FTCDNL1: variants seen among roughly 807,000 people sequenced by gnomAD.
FTCDNL1 encodes the protein formiminotransferase N-terminal subdomain-containing protein.
In FTCDNL1, 11 loss-of-function variants were observed where a neutral mutation model predicts 5.9. The ratio of observed to expected loss-of-function variants is 1.87; its 90% CI spans 1.18 to 3.10. The LOEUF (loss-of-function observed/expected upper bound fraction) is 3.10, where lower values mean the gene tolerates loss of function less well. FTCDNL1 is among the 30% of genes most tolerant of loss of function. The pLI is 0.00. For synonymous variants in FTCDNL1, 58 were observed against 24.8 expected (o/e 2.34, Z -3.99); for missense variants, 115 against 65.5 (o/e 1.76, Z -2.61).
At chr2:199,828,580 T>A (rs1188459567) in intron 3 of FTCDNL1, among the ~76,000 whole-genome samples, 1 of 152,216 alleles carries the variant, frequency 6.6e-6, no homozygotes, top group Non-Finnish European at 1.5e-5. Context: ...CTGCTTCATA[T>A]TTGTGTCCTC....
At chr2:199,756,591 T>A (rs1330292741), downstream of FTCDNL1, among the ~76,000 whole-genome samples, 1 of 152,250 alleles carries the variant, frequency 6.6e-6, no homozygotes, top group African/African-American at 2.4e-5. Flanking sequence ...GTTTTCAGGA[T>A]AACTTTCCTA....
chr2:199,798,458 G>GCTA lies in FTCDNL1; in HGVS notation c.212-37626_212-37624dup, dbSNP rs537888408. Among the ~76,000 whole-genome samples the GCTA allele has an allele frequency of 4.5e-3, 693 of 152,314 alleles. 5 individuals are homozygous for GCTA. Among genetic ancestry groups the GCTA allele is most frequent in the African/African-American group, 0.016 (653 of 41,564 alleles). On this transcript the variant is annotated intron_variant, in intron 3 of 3. Coordinates refer to the FTCDNL1 transcript ENST00000416668. ...GAAGGAGCTTCCAAATTGGGAAAGT[G>GCTA]CTACAGGTTCTGTGGAGGTACAGTT...
At chr2:199,692,519 A>G in the FTCDNL1 span, among the ~76,000 whole-genome samples, 1 of 152,240 alleles carries the variant, frequency 6.6e-6, no homozygotes, top group African/African-American at 2.4e-5. Flanking sequence ...GCTTGTGAGA[A>G]GCATATTTAG....
the FTCDNL1 span, among the ~76,000 whole-genome samples, chr2:199,755,018 G>C: frequency 2.0e-5 from 3 of 152,194 alleles, no homozygotes; most frequent in African/African-American, 7.2e-5. Flanking sequence ...CTGAGTTAAA[G>C]GACCCAAGTT....
rs1300998734 is a variant in FTCDNL1, at chr2:199,801,454, CT to C, written c.212-40620del. 2.0e-5 allele frequency among the ~76,000 whole-genome samples: 3 copies of C among 151,848 alleles called. 1 individual carries two copies. The highest frequency in any genetic ancestry group is 7.3e-5 in the African/African-American group (3 of 41,328). ...TTGAGCTCAGGAGTTGGAGACCAGC[CT>C]GGGCAACATGGTGAGACTCCGTCTC... is the stretch of plus-strand genomic sequence containing the variant. On this transcript the variant is annotated intron_variant, in intron 3 of 3. Coordinates refer to the FTCDNL1 transcript ENST00000416668.
chr2:199,717,986 CA>C, the FTCDNL1 span, among the ~76,000 whole-genome samples: 21,368 of 142,458 alleles, frequency 0.15, 1,612 homozygotes, highest in Middle Eastern at 0.29. Flanking sequence ...ACCAAAAAAA[CA>C]AAAAAAAAAA....
the FTCDNL1 span, among the ~76,000 whole-genome samples, chr2:199,713,540 A>G: frequency 6.6e-6 from 1 of 152,212 alleles, no homozygotes; most frequent in Non-Finnish European, 1.5e-5. Flanking sequence ...TCTAATAGTC[A>G]TATTAACTCT....
rs115222798 is a variant in FTCDNL1 at position 199,782,544 on chromosome 2, A to G, written c.212-21709T>C. On this transcript the variant is annotated intron_variant, in intron 3 of 3. Coordinates refer to the FTCDNL1 transcript ENST00000416668. ...TCTTAACCTACAGTTCTGAGATTCA[A>G]TGTGGGAGTTCTACTAACTGGCAGT... Among the ~76,000 whole-genome samples, 650 of 152,312 alleles carry G rather than the reference A, an allele frequency of 4.3e-3. 5 individuals are homozygous for G. Among genetic ancestry groups the G allele is most frequent in the African/African-American group, 0.015 (610 of 41,576 alleles).
At chr2:199,848,065 T>C (rs1410023934) in intron 2 of FTCDNL1, among the ~76,000 whole-genome samples, 4 of 152,260 alleles carry the variant, frequency 2.6e-5, no homozygotes, top group African/African-American at 9.6e-5. Context: ...TGGTTTCACC[T>C]GTTGCCAAAA....
chr2:199,741,870 G>A, the FTCDNL1 span, among the ~76,000 whole-genome samples: 1 of 152,158 alleles, frequency 6.6e-6, no homozygotes, highest in East Asian at 1.9e-4. Flanking sequence ...ACCACAGAAT[G>A]TTTTTAAATT....
intron 3 of FTCDNL1, among the ~76,000 whole-genome samples, chr2:199,769,469 T>C (rs1698700959): frequency 8.0e-6 from 1 of 125,340 alleles, no homozygotes; most frequent in Non-Finnish European, 1.6e-5. Context: ...CCTTCCACCA[T>C]GATTTTGAGG....
the FTCDNL1 span, among the ~76,000 whole-genome samples, chr2:199,694,266 C>T: frequency 1.3e-5 from 2 of 152,168 alleles, no homozygotes; most frequent in East Asian, 1.9e-4. Flanking sequence ...GGTGTTTTGT[C>T]GTTGCAGTTA....
At chr2:199,806,990 C>T (rs1700760168), downstream of FTCDNL1, among the ~76,000 whole-genome samples, 1 of 152,284 alleles carries the variant, frequency 6.6e-6, no homozygotes, top group Admixed American at 6.5e-5. Context: ...ACATTGTCCA[C>T]CTTGTAGTAA....
At chr2:199,799,706 G>A (rs1559197919) in intron 3 of FTCDNL1, among the ~76,000 whole-genome samples, 1 of 152,160 alleles carries the variant, frequency 6.6e-6, no homozygotes, top group African/African-American at 2.4e-5. Flanking sequence ...TCTGGTACCT[G>A]AAATTGGTAC....
the FTCDNL1 span, among the ~76,000 whole-genome samples, chr2:199,681,040 G>A: frequency 2.5e-4 from 38 of 152,292 alleles, no homozygotes; most frequent in Non-Finnish European, 3.7e-4. Context: ...CTGGCTTAGC[G>A]TCCAGAATTG....
At chr2:199,676,995 T>G in the FTCDNL1 span, among the ~76,000 whole-genome samples, 1 of 152,148 alleles carries the variant, frequency 6.6e-6, no homozygotes, top group Non-Finnish European at 1.5e-5. Flanking sequence ...AAGCTTTAAT[T>G]TTACTACTAT....
the FTCDNL1 span, among the ~76,000 whole-genome samples, chr2:199,705,966 C>A: frequency 4.3e-4 from 65 of 152,236 alleles, no homozygotes; most frequent in East Asian, 4.6e-3. Context: ...GGCTCTGGGC[C>A]CTTGCTAATA....
the FTCDNL1 span, among the ~76,000 whole-genome samples, chr2:199,723,835 G>A: frequency 2.6e-5 from 4 of 152,170 alleles, no homozygotes; most frequent in East Asian, 1.9e-4. Flanking sequence ...GGATATTGGC[G>A]TGAAGTTTTC....
the FTCDNL1 span, among the ~76,000 whole-genome samples, chr2:199,722,081 G>A: frequency 6.6e-6 from 1 of 152,138 alleles, no homozygotes; most frequent in African/African-American, 2.4e-5. Flanking sequence ...TAGGTTGCCT[G>A]TTCACTTTGA....
Sources: allele counts gnomAD v4.1 joint callset (sites outside exome capture counted in the v4.1 genomes callset), GRCh38; gene constraint gnomAD v4.1.1; transcripts MANE v1.5; gene names NCBI Gene and HGNC (gene_info 2026-07-23, HGNC 2026-07-21).